The following RMND5B variants were observed in gnomAD, a reference collection of about 807,000 sequenced individuals.
The protein encoded by RMND5B is E3 ubiquitin-protein transferase RMND5B.
RMND5B carries 42 observed loss-of-function variants against 50.4 expected under a neutral mutation model. The observed-to-expected ratio is 0.83, with a 90% CI of 0.65 to 1.08. The LOEUF is 1.08. RMND5B is among the 50% of genes least tolerant of loss of function. The pLI is 0.00. For missense variants in RMND5B, 463 were observed against 508.5 expected (o/e 0.91, Z 0.86); for synonymous variants, 220 against 210.0 (o/e 1.05, Z -0.41).
rs187158883 is a variant in RMND5B, at chr5:178,150,238, A to T, written c.*2206A>T. 4 of 219,502 alleles carry T rather than the reference A, an allele frequency of 1.8e-5. No individual in the cohort carries two copies. The highest frequency in any genetic ancestry group is 3.7e-5 in the Non-Finnish European group (4 of 107,654). The allele number at this position is 219,502 out of a possible 1,614,324, so 13.6% of individuals were successfully genotyped here. On this transcript the variant is annotated 3_prime_UTR_variant, in exon 11 of 11. Coordinates refer to ENST00000313386, the MANE Select transcript of RMND5B (RefSeq NM_022762.5). ...TAGCTTACAAAGCTCTTTCACATAC[A>T]TCTATCTCTTTATTCTCATAGTCCA...
chr5:178,144,211 T>C, intron 7 of RMND5B, 103 bp downstream of exon 7: 1 of 1,288,066 alleles, frequency 7.8e-7, no homozygotes, highest in Admixed American at 2.4e-5. Flanking sequence ...TGGGGCTGTC[T>C]GTTACACAGA....
At chr5:178,141,654 C>G (rs1326630176) in intron 3 of RMND5B, 1 of 152,122 alleles carries the variant, frequency 6.6e-6, no homozygotes, top group East Asian at 1.9e-4. Context: ...ACCAAAAATA[C>G]AGGTATTAGC....
chr5:178,139,955 T>G (rs1198933016), intron 3 of RMND5B, among the ~76,000 whole-genome samples: 1 of 152,166 alleles, frequency 6.6e-6, no homozygotes, highest in Non-Finnish European at 1.5e-5. Context: ...TTTACTTTTT[T>G]TAATCTGAGA....
At chr5:178,143,316 G>A (rs1345647534) in intron 5 of RMND5B, among the ~76,000 whole-genome samples, 1 of 152,136 alleles carries the variant, frequency 6.6e-6, no homozygotes, top group Non-Finnish European at 1.5e-5. Flanking sequence ...TTTCCCTACT[G>A]TACTAGGAGG....
At chr5:178,136,980 T>G (rs1446604853) in intron 2 of RMND5B, among the ~76,000 whole-genome samples, 1 of 152,048 alleles carries the variant, frequency 6.6e-6, no homozygotes, top group Non-Finnish European at 1.5e-5. Flanking sequence ...GCAGGCCCAG[T>G]GACCAAAACT....
At chr5:178,131,573 T>TA (rs33915769) in intron 2 of RMND5B, among the ~76,000 whole-genome samples, 197 bp downstream of exon 2, 78,457 of 139,068 alleles carry the variant, frequency 0.56, 22,382 homozygotes, top group East Asian at 0.76. Context: ...GACTGTATAG[T>TA]AAAAAAAAAA....
rs753092505 is a variant in RMND5B, at chr5:178,150,421, C to T, written c.*2389C>T. On this transcript the variant is annotated 3_prime_UTR_variant, in exon 11 of 11. Coordinates refer to ENST00000313386, the MANE Select transcript of RMND5B (RefSeq NM_022762.5). ...TGAGACAGGGCCTCACTCTGTCATGCAGTCTGGAGTGTGGTGGTGTATGAT... is the reference window on the plus strand; with the variant it reads ...TGAGACAGGGCCTCACTCTGTCATGTAGTCTGGAGTGTGGTGGTGTATGAT... 2.8e-5 allele frequency: 9 copies of T among 318,064 alleles called. No homozygotes were observed. Among genetic ancestry groups the T allele is most frequent in the Non-Finnish European group, 5.6e-5 (9 of 161,678 alleles). The allele number at this position is 318,064 out of a possible 1,614,324, so 19.7% of individuals were successfully genotyped here.
intron 7 of RMND5B, 30 bp from the exon 8 acceptor site, chr5:178,146,084 C>A (rs766784695): frequency 8.7e-6 from 14 of 1,611,534 alleles, no homozygotes; most frequent in African/African-American, 2.7e-5. Context: ...CCCTGCACCC[C>A]CTGAGCTGCC....
Position 178,150,538 on chromosome 5 carries a change from C to G in RMND5B, c.*2506C>G. 2.6e-6 allele frequency: 1 copy of G among 383,364 alleles called. No homozygotes were observed. Among genetic ancestry groups the G allele is most frequent in the Non-Finnish European group, 5.1e-6 (1 of 197,352 alleles). 23.7% of individuals were successfully genotyped at this position (383,364 alleles called of 1,614,324 possible). On this transcript the variant is annotated 3_prime_UTR_variant, in exon 11 of 11. Coordinates refer to ENST00000313386, the MANE Select transcript of RMND5B (RefSeq NM_022762.5). Reference sequence around the variant, plus strand: ...GGGACTACAGGCATGTGCCACCACACCCAGCTAATTAAAAAAATTTTTTTT... The same window carrying G: ...GGGACTACAGGCATGTGCCACCACAGCCAGCTAATTAAAAAAATTTTTTTT...
rs1756245648 is a variant in RMND5B, at chr5:178,150,433, T to A, written c.*2401T>A. On this transcript the variant is annotated 3_prime_UTR_variant, in exon 11 of 11. Transcript: ENST00000313386. The stretch of plus-strand genomic sequence containing the variant: ...TCACTCTGTCATGCAGTCTGGAGTG[T>A]GGTGGTGTATGATCATGGCTCACTG... The A allele has an allele frequency of 2.9e-6, 1 of 341,376 alleles. No homozygotes were observed. The highest frequency in any genetic ancestry group is 2.1e-5 in the African/African-American group (1 of 46,592). 21.1% of individuals were successfully genotyped at this position (341,376 alleles called of 1,614,324 possible). A position where few individuals can be genotyped will look rare whatever the true frequency, so the allele number is the denominator to read the frequency against.
At position 178,138,108 on chromosome 5, in the gene RMND5B, G is replaced by T. The variant is rs1207875866; in HGVS notation, c.-12G>T. ...GCCTGACCCAGCTGACCCTCCCCAG[G>T]CTGAGGCCACCATGGAGCAGTGTGC... is the stretch of plus-strand genomic sequence containing the variant. On this transcript the variant is annotated splice_region_variant and 5_prime_UTR_variant, in exon 3 of 11. Coordinates refer to ENST00000313386, the MANE Select transcript of RMND5B (RefSeq NM_022762.5). This position sits in a 1 kb window ranked among gnomAD's most constrained non-coding sequence, Gnocchi z 5.1. The T allele has an allele frequency of 1.3e-6, 2 of 1,579,874 alleles. No individual in the cohort carries two copies. Among genetic ancestry groups the T allele is most frequent in the Non-Finnish European group, 1.7e-6 (2 of 1,163,512 alleles).
chr5:178,144,164 G>A, intron 7 of RMND5B, 56 bp downstream of exon 7: 3 of 1,573,410 alleles, frequency 1.9e-6, no homozygotes, highest in Non-Finnish European at 2.6e-6. Flanking sequence ...GTCTGGATGT[G>A]GTAGGTTACA....
intron 2 of RMND5B, among the ~76,000 whole-genome samples, chr5:178,134,976 C>CAA (rs34541511): frequency 0.031 from 4,033 of 131,842 alleles, 123 homozygotes; most frequent in African/African-American, 0.072. Context: ...AGACCGTCTA[C>CAA]AAAAAAAAAA....
chr5:178,142,830 CCT>C lies in RMND5B; in HGVS notation c.286-21_286-20del, dbSNP rs764174989. 49 of 1,614,122 alleles carry C rather than the reference CCT, an allele frequency of 3.0e-5. No individual in the cohort carries two copies. Among genetic ancestry groups the C allele is most frequent in the Non-Finnish European group, 3.6e-5 (43 of 1,180,062 alleles). ...AGCAAGAGTGCCCGCATCACCAGGC[CCT>C]GTCTCTCCTCCTTCGTCAGAACTTC... On this transcript the variant is annotated intron_variant, in intron 4 of 10. Coordinates refer to ENST00000313386, the MANE Select transcript of RMND5B (RefSeq NM_022762.5).
chr5:178,143,392 A>G (rs1755795198), intron 5 of RMND5B, among the ~76,000 whole-genome samples: 1 of 151,996 alleles, frequency 6.6e-6, no homozygotes, highest in Non-Finnish European at 1.5e-5. Flanking sequence ...CTCCACTGCT[A>G]CGGTTGTGGG....
rs1581103566 is a variant in RMND5B, at chr5:178,131,326, G to A, written c.-63G>A. ...CCGCCTCAGCCGGGGGGAGTTGCTC[G>A]GACTCAAACGTCCAGTCCTCGTGCG... On this transcript the variant is annotated 5_prime_UTR_variant, in exon 2 of 11. Coordinates refer to ENST00000313386, the MANE Select transcript of RMND5B (RefSeq NM_022762.5). The A allele has an allele frequency of 6.6e-6, 1 of 152,356 alleles. No homozygotes were observed. Among genetic ancestry groups the A allele is most frequent in the Middle Eastern group, 3.4e-3 (1 of 292 alleles). The allele number at this position is 152,356 out of a possible 1,614,324, so 9.4% of individuals were successfully genotyped here. A position where few individuals can be genotyped will look rare whatever the true frequency, so the allele number is the denominator to read the frequency against.
Position 178,146,388 on chromosome 5 carries a change from C to T in RMND5B, c.860+109C>T, listed in dbSNP as rs1252426989. 2.6e-5 allele frequency: 26 copies of T among 1,014,672 alleles called. No individual in the cohort carries two copies. In the Admixed American group the frequency reaches 2.8e-4, roughly 11 times the overall value. 62.9% of individuals were successfully genotyped at this position (1,014,672 alleles called of 1,614,324 possible). A position where few individuals can be genotyped will look rare whatever the true frequency, so the allele number is the denominator to read the frequency against. ...AACAGTGCTCGGTGCTTTCAGAGAC[C>T]GAAACTGGCTTTCTTAGTCATTCTT... is the stretch of plus-strand genomic sequence containing the variant. On this transcript the variant is annotated intron_variant, in intron 8 of 10. Transcript: ENST00000313386.
chr5:178,149,552 C>T lies in RMND5B; in HGVS notation c.*1520C>T. On this transcript the variant is annotated 3_prime_UTR_variant, in exon 11 of 11. Coordinates refer to ENST00000313386, the MANE Select transcript of RMND5B (RefSeq NM_022762.5). ...ATGGCACTGATGGACAGAAGACTAG[C>T]ATTACCTTCATGAAAGGGCTGTTAG... 1.3e-6 allele frequency: 1 copy of T among 770,374 alleles called. No individual in the cohort carries two copies. The highest frequency in any genetic ancestry group is 1.7e-5 in the South Asian group (1 of 57,826). The allele number at this position is 770,374 out of a possible 1,614,324, so 47.7% of individuals were successfully genotyped here.
rs751170259 is a variant in RMND5B, at chr5:178,144,118, C to T, written c.694+10C>T. ...CGGCTGCACCAGCGGGGTGAGTGCC[C>T]AGGCAGCTGGGGTTGTGCTGCCTGG... On this transcript the variant is annotated intron_variant, in intron 7 of 10. Coordinates refer to ENST00000313386, the MANE Select transcript of RMND5B (RefSeq NM_022762.5). 3.1e-6 allele frequency: 5 copies of T among 1,610,992 alleles called. No homozygotes were observed. The highest frequency in any genetic ancestry group is 3.4e-6 in the Non-Finnish European group (4 of 1,178,172).
Sources: allele counts gnomAD v4.1 joint callset (sites outside exome capture counted in the v4.1 genomes callset), GRCh38; gene constraint gnomAD v4.1.1; non-coding constraint Gnocchi (gnomAD v3.1); transcripts MANE v1.5; gene names NCBI Gene and HGNC (gene_info 2026-07-23, HGNC 2026-07-21).